FHIT: variants seen among roughly 807,000 people sequenced by gnomAD.
FHIT encodes fragile histidine triad diadenosine triphosphatase.
A neutral mutation model predicts 17.9 loss-of-function variants in FHIT; 19 were observed. The ratio of observed to expected loss-of-function variants is 1.06; its 90% CI spans 0.74 to 1.56. The LOEUF is 1.56. FHIT is among the 40% of genes most tolerant of loss of function. The pLI, the probability that FHIT is intolerant of heterozygous loss-of-function variation, is 0.00. For synonymous variants in FHIT, 81 were observed against 69.7 expected (o/e 1.16, Z -0.81); for missense variants, 248 against 189.2 (o/e 1.31, Z -1.82).
At chr3:59,754,667 T>TGTTAATGCCTTCCTGGTTATTAG (rs1343025225) in intron 8 of FHIT, among the ~76,000 whole-genome samples, 3 of 152,342 alleles carry the variant, frequency 2.0e-5, no homozygotes, top group Non-Finnish European at 4.4e-5. Flanking sequence ...AGCCTGTGAA[T>TGTTAATGCCTTCCTGGTTATTAG]GTTAATGCCT....
chr3:60,661,012 C>A (rs944827486), intron 4 of FHIT, among the ~76,000 whole-genome samples: 1 of 151,276 alleles, frequency 6.6e-6, no homozygotes, highest in African/African-American at 2.4e-5. Flanking sequence ...GTGGATTATG[C>A]CTTTGGTGTT....
At chr3:60,571,564 G>A (rs2594233) in intron 4 of FHIT, among the ~76,000 whole-genome samples, 379 of 151,940 alleles carry the variant, frequency 2.5e-3, no homozygotes, top group Non-Finnish European at 4.2e-3. Context: ...TGTGTCCCCA[G>A]ACAGGTCACC....
At chr3:60,362,738 C>A (rs1355387205) in intron 5 of FHIT, among the ~76,000 whole-genome samples, 1 of 152,140 alleles carries the variant, frequency 6.6e-6, no homozygotes, top group African/African-American at 2.4e-5. Context: ...GACTCATTTT[C>A]TTCATCAATA....
intron 5 of FHIT, among the ~76,000 whole-genome samples, chr3:60,024,255 AAGAG>A (rs1206691151): frequency 1.3e-5 from 2 of 152,054 alleles, no homozygotes; most frequent in East Asian, 1.9e-4. Flanking sequence ...AAATAAATGA[AAGAG>A]AGTCACACTT....
At chr3:60,322,292 T>C (rs537055827) in intron 5 of FHIT, among the ~76,000 whole-genome samples, 1 of 152,346 alleles carries the variant, frequency 6.6e-6, no homozygotes, top group Admixed American at 6.5e-5. Context: ...TAAATACTTA[T>C]AATACATGAC....
chr3:60,990,192 T>C (rs1479290126), intron 3 of FHIT, among the ~76,000 whole-genome samples: 1 of 152,150 alleles, frequency 6.6e-6, no homozygotes, highest in Non-Finnish European at 1.5e-5. Flanking sequence ...GAAATTTAAG[T>C]CTACATCCGA....
At chr3:60,577,427 G>A (rs10510849) in intron 4 of FHIT, among the ~76,000 whole-genome samples, 32,128 of 152,032 alleles carry the variant, frequency 0.21, 3,776 homozygotes, top group East Asian at 0.33. Context: ...TTAAATATCT[G>A]AATTATGAGG....
At chr3:60,791,123 G>A (rs1700762745) in intron 4 of FHIT, among the ~76,000 whole-genome samples, 1 of 152,132 alleles carries the variant, frequency 6.6e-6, no homozygotes, top group Non-Finnish European at 1.5e-5. Flanking sequence ...AATAGAGTAG[G>A]AGAGAAGAGG....
intron 3 of FHIT, among the ~76,000 whole-genome samples, chr3:60,846,786 G>T (rs569241901): frequency 6.6e-6 from 1 of 151,988 alleles, no homozygotes. Context: ...TGCATTAATG[G>T]ATGTATTTGT....
intron 1 of FHIT, among the ~76,000 whole-genome samples, chr3:61,212,491 A>G (rs540624658): frequency 6.6e-6 from 1 of 152,354 alleles, no homozygotes; most frequent in Non-Finnish European, 1.5e-5. Context: ...TCCAAGAAAT[A>G]TGGGACTATG....
At chr3:59,854,744 A>T (rs910782372) in intron 8 of FHIT, among the ~76,000 whole-genome samples, 28 of 152,340 alleles carry the variant, frequency 1.8e-4, no homozygotes, top group African/African-American at 6.5e-4. Context: ...AGGAAACTCT[A>T]GAGCCCATAT....
At chr3:61,007,106 T>C (rs1017567663) in intron 3 of FHIT, among the ~76,000 whole-genome samples, 3 of 152,174 alleles carry the variant, frequency 2.0e-5, no homozygotes, top group Non-Finnish European at 4.4e-5. Context: ...AGATAAAAAG[T>C]TGGAATTATA....
intron 4 of FHIT, among the ~76,000 whole-genome samples, chr3:60,610,681 G>GA: frequency 6.6e-6 from 1 of 152,196 alleles, no homozygotes; most frequent in African/African-American, 2.4e-5. Context: ...AGCAAACTTC[G>GA]AAAAAATATT....
chr3:61,025,912 A>T (rs568296880), intron 3 of FHIT, among the ~76,000 whole-genome samples: 1 of 152,322 alleles, frequency 6.6e-6, no homozygotes, highest in Non-Finnish European at 1.5e-5. Context: ...ATAACAATGG[A>T]AAGAAATAAT....
intron 3 of FHIT, among the ~76,000 whole-genome samples, chr3:60,962,987 T>C (rs1709536961): frequency 1.3e-5 from 2 of 152,192 alleles, no homozygotes; most frequent in Admixed American, 6.5e-5. Context: ...TTGATTGGAA[T>C]GGTTTCAGAA....
intron 5 of FHIT, among the ~76,000 whole-genome samples, chr3:60,464,659 A>G (rs1182418514): frequency 6.6e-6 from 1 of 152,138 alleles, no homozygotes; most frequent in Non-Finnish European, 1.5e-5. Flanking sequence ...AATGACCTCC[A>G]GTTCCATCCA....
At chr3:60,388,673 C>G (rs903067350) in intron 5 of FHIT, among the ~76,000 whole-genome samples, 1 of 152,208 alleles carries the variant, frequency 6.6e-6, no homozygotes, top group African/African-American at 2.4e-5. Context: ...TTTCAAATCT[C>G]TCACATATAT....
chr3:59,773,717 G>T (rs929776727), intron 8 of FHIT, among the ~76,000 whole-genome samples: 2 of 152,112 alleles, frequency 1.3e-5, no homozygotes, highest in African/African-American at 4.8e-5. Context: ...GGTGTGGACT[G>T]CAGACCAACA....
rs145618938 is a variant in FHIT at position 60,114,488 on chromosome 3, C to CTTTTTTTTTTTTTTTTT, written c.104-100337_104-100336insAAAAAAAAAAAAAAAAA. The stretch of plus-strand genomic sequence containing the variant: ...TAAAATAAGGAAGAACAAGAGAAAT[C>CTTTTTTTTTTTTTTTTT]CTTTTTTTTTTTTTTTTTTTTTTTT... On this transcript the variant is annotated intron_variant, in intron 5 of 9. Transcript: ENST00000492590. Among the ~76,000 whole-genome samples the CTTTTTTTTTTTTTTTTT allele has an allele frequency of 8.7e-4, 52 of 59,486 alleles. 12 individuals carry two copies. The highest frequency in any genetic ancestry group is 1.5e-3 in the African/African-American group (20 of 13,368). The allele number at this position is 59,486 out of a possible 152,430, so 39.0% of individuals were successfully genotyped here. A position where few individuals can be genotyped will look rare whatever the true frequency, so the allele number is the denominator to read the frequency against.
Sources: gnomAD v4.1 joint callset for allele counts (sites outside exome capture counted in the v4.1 genomes callset) on GRCh38, gnomAD v4.1.1 for gene constraint, MANE v1.5 for transcripts, NCBI Gene and HGNC (gene_info 2026-07-23, HGNC 2026-07-21) for gene names.